Variants in EFHC2 observed in about 807,000 individuals in gnomAD.
The protein encoded by EFHC2 is EF-hand domain-containing family member C2.
Under a neutral mutation model 52.7 loss-of-function variants are expected in EFHC2, and 18 were observed. The ratio of observed to expected loss-of-function variants is 0.34; its 90% CI spans 0.24 to 0.51. EFHC2 has a LOEUF of 0.51. EFHC2 is among the 20% of genes least tolerant of loss of function. The probability of loss-of-function intolerance (pLI) is 0.97; values close to 1 mark genes in which losing one functional copy is unlikely to be tolerated. For synonymous variants in EFHC2, 203 were observed against 204.1 expected (o/e 0.99, Z 0.04); for missense variants, 513 against 562.5 (o/e 0.91, Z 0.89).
intron 3 of EFHC2, among the ~76,000 whole-genome samples, chrX:44,266,354 T>A (rs5953371): frequency 0.025 from 2,735 of 110,727 alleles, 44 homozygotes; most frequent in Non-Finnish European, 0.036. Context: ...TTTTTTTTTT[T>A]AAATTTTTTT....
intron 13 of EFHC2, among the ~76,000 whole-genome samples, chrX:44,175,309 G>A (rs762880621): frequency 6.3e-5 from 7 of 111,821 alleles, no homozygotes; most frequent in East Asian, 2.8e-4. Context: ...TGGTGGCACC[G>A]CAGTATTTAA....
At chrX:44,318,054 CCA>C (rs1484063916) in intron 1 of EFHC2, among the ~76,000 whole-genome samples, 1 of 112,010 alleles carries the variant, frequency 8.9e-6, no homozygotes, top group East Asian at 2.8e-4. Flanking sequence ...AAACATACAT[CCA>C]CAGAAAGAAA....
intron 3 of EFHC2, among the ~76,000 whole-genome samples, chrX:44,268,203 T>A (rs918243417): frequency 9.0e-6 from 1 of 111,619 alleles, no homozygotes; most frequent in Non-Finnish European, 1.9e-5. Context: ...AGGTCTTTTT[T>A]TTCTGAGACT....
At chrX:44,195,653 G>A (rs1215169931) in intron 11 of EFHC2, among the ~76,000 whole-genome samples, 1 of 111,119 alleles carries the variant, frequency 9.0e-6, no homozygotes, top group Non-Finnish European at 1.9e-5. Flanking sequence ...TGATGCCTCT[G>A]GCAGAATTAA....
chrX:44,272,196 T>A (rs2147352092), intron 3 of EFHC2, among the ~76,000 whole-genome samples: 1 of 112,128 alleles, frequency 8.9e-6, no homozygotes, highest in African/African-American at 3.2e-5. Context: ...GAAGGAACAA[T>A]GACTCTCTGG....
At chrX:44,286,759 A>G (rs1391866566) in intron 2 of EFHC2, among the ~76,000 whole-genome samples, 2 of 110,850 alleles carry the variant, frequency 1.8e-5, no homozygotes, top group South Asian at 7.6e-4. Flanking sequence ...CACGCCTGTC[A>G]TTCCAGCACT....
At chrX:44,342,614 A>G (rs752573334) in intron 1 of EFHC2, among the ~76,000 whole-genome samples, 5 of 111,357 alleles carry the variant, frequency 4.5e-5, no homozygotes, top group African/African-American at 1.3e-4. Context: ...GCAGTGGCTC[A>G]GCCTGTAATC....
At chrX:44,213,733 C>T (rs2037120720) in intron 11 of EFHC2, among the ~76,000 whole-genome samples, 2 of 111,534 alleles carry the variant, frequency 1.8e-5, no homozygotes, top group South Asian at 3.8e-4. Context: ...AGATTGTACA[C>T]GTTTCTCATC....
At chrX:44,154,850 T>A (rs1036806116) in intron 14 of EFHC2, among the ~76,000 whole-genome samples, 2 of 112,105 alleles carry the variant, frequency 1.8e-5, no homozygotes, top group African/African-American at 6.5e-5. Flanking sequence ...CCCCCAAAAA[T>A]GATTTACACT....
chrX:44,248,222 C>A (rs1031861542), intron 7 of EFHC2, 50 bp downstream of exon 7: 78 of 1,046,162 alleles, frequency 7.5e-5, no homozygotes, highest in Non-Finnish European at 9.7e-5. Flanking sequence ...AATTAGGGAA[C>A]AAACAATTTA....
chrX:44,153,666 G>A (rs1245499059), intron 14 of EFHC2, among the ~76,000 whole-genome samples: 1 of 111,550 alleles, frequency 9.0e-6, no homozygotes, highest in African/African-American at 3.3e-5. Flanking sequence ...AGAGGGAAAG[G>A]CACTTTCTTC....
intron 11 of EFHC2, among the ~76,000 whole-genome samples, chrX:44,198,483 G>A (rs986019993): frequency 6.3e-4 from 70 of 111,749 alleles, no homozygotes; most frequent in Non-Finnish European, 1.1e-3. Context: ...TGTCTAGTCA[G>A]TATTTTCCCC....
intron 1 of EFHC2, among the ~76,000 whole-genome samples, chrX:44,331,979 G>A (rs1485468775): frequency 1.8e-5 from 2 of 109,305 alleles, no homozygotes; most frequent in African/African-American, 3.3e-5. Flanking sequence ...TGGGGTGAGG[G>A]GTAAATAGGA....
At position 44,239,758 on chromosome X, in the gene EFHC2, T is replaced by C. The variant is rs185577135; in HGVS notation, c.1280+2363A>G. ...ATGGCTTATTATGAGTAATCAGTAATAGTAGTAATATTATTATTAGAAATA... is the reference window on the plus strand; with the variant it reads ...ATGGCTTATTATGAGTAATCAGTAACAGTAGTAATATTATTATTAGAAATA... On this transcript the variant is annotated intron_variant, in intron 8 of 14. Transcript: ENST00000420999. Among the ~76,000 whole-genome samples, 345 of 111,962 alleles carry C rather than the reference T, an allele frequency of 3.1e-3. 1 individual carries two copies. The highest frequency in any genetic ancestry group is 0.022 in the Admixed American group (235 of 10,524).
At chrX:44,262,545 A>C (rs1398445856) in intron 3 of EFHC2, among the ~76,000 whole-genome samples, 1 of 107,553 alleles carries the variant, frequency 9.3e-6, no homozygotes, top group Non-Finnish European at 1.9e-5. Flanking sequence ...AGAAAAGAAA[A>C]GAAAAAGAAA....
chrX:44,187,280 C>T (rs1330646939), intron 11 of EFHC2, among the ~76,000 whole-genome samples: 2 of 107,546 alleles, frequency 1.9e-5, no homozygotes, highest in Non-Finnish European at 3.8e-5. Context: ...ACCAAGTAAA[C>T]ATCCTGGTAC....
chrX:44,232,692 A>G lies in EFHC2; in HGVS notation c.1424-15T>C. 8.5e-7 allele frequency: 1 copy of G among 1,173,713 alleles called. No homozygotes were observed. Among genetic ancestry groups the G allele is most frequent in the Non-Finnish European group, 1.1e-6 (1 of 874,997 alleles). ...ACCAGCAATTCCTATAAAAAATAGAAAAGTTCATGAGCAGCCTTTATTCTT... is the reference window on the plus strand; with the variant it reads ...ACCAGCAATTCCTATAAAAAATAGAGAAGTTCATGAGCAGCCTTTATTCTT... On this transcript the variant is annotated splice_polypyrimidine_tract_variant and intron_variant, in intron 9 of 14. Coordinates refer to ENST00000420999, the MANE Select transcript of EFHC2 (RefSeq NM_025184.4).
chrX:44,148,773 G>C lies in EFHC2; in HGVS notation c.*22C>G, dbSNP rs1236270101. The C allele has an allele frequency of 1.8e-6, 2 of 1,137,703 alleles. No individual in the cohort carries two copies. The highest frequency in any genetic ancestry group is 6.5e-5 in the East Asian group (2 of 30,945). 93.8% of individuals were successfully genotyped at this position (1,137,703 alleles called of 1,213,427 possible). A position where few individuals can be genotyped will look rare whatever the true frequency, so the allele number is the denominator to read the frequency against. On this transcript the variant is annotated 3_prime_UTR_variant, in exon 15 of 15. Transcript: ENST00000420999. The stretch of plus-strand genomic sequence containing the variant: ...CAAAATGAGAGAAGTAAATCATAGA[G>C]AATTGACCAAAACTGGCATGGTTAT...
At chrX:44,163,680 G>A (rs2036674208) in intron 14 of EFHC2, among the ~76,000 whole-genome samples, 1 of 111,198 alleles carries the variant, frequency 9.0e-6, no homozygotes, top group Admixed American at 9.6e-5. Context: ...CCATATAATT[G>A]GATGCGATCG....
Sources: gnomAD v4.1 joint callset for allele counts (sites outside exome capture counted in the v4.1 genomes callset) on GRCh38, gnomAD v4.1.1 for gene constraint, MANE v1.5 for transcripts, NCBI Gene and HGNC (gene_info 2026-07-23, HGNC 2026-07-21) for gene names.